The following SLC46A3 variants were observed in gnomAD, a reference collection of about 807,000 sequenced individuals.
SLC46A3 encodes solute carrier family 46 member 3, also known as lysosomal proton-coupled steroid conjugate and bile acid symporter SLC46A3.
SLC46A3 carries 26 observed loss-of-function variants against 38.5 expected under a neutral mutation model. The ratio of observed to expected loss-of-function variants is 0.68; its 90% CI spans 0.49 to 0.94. The LOEUF (loss-of-function observed/expected upper bound fraction) is 0.94. Ranked by LOEUF, SLC46A3 falls within the 40% of genes least tolerant of loss-of-function variation. SLC46A3 has a pLI of 0.00. For synonymous variants in SLC46A3, 185 were observed against 192.5 expected (o/e 0.96, Z 0.32); for missense variants, 510 against 544.3 (o/e 0.94, Z 0.63).
Position 28,700,878 on chromosome 13 carries a change from C to A in SLC46A3, c.*619G>T. On this transcript the variant is annotated 3_prime_UTR_variant, in exon 6 of 6. Coordinates refer to ENST00000266943, the MANE Select transcript of SLC46A3 (RefSeq NM_181785.4). ...TTTTAAGGATTTTGTATCAACAAAG[C>A]ACTGATTGTGGAATTCATGTATAGT... 1 of 1,203,192 alleles carries A rather than the reference C, an allele frequency of 8.3e-7. No individual in the cohort carries two copies. Among genetic ancestry groups the A allele is most frequent in the Non-Finnish European group, 1.2e-6 (1 of 847,318 alleles). 74.5% of individuals were successfully genotyped at this position (1,203,192 alleles called of 1,614,324 possible). A position where few individuals can be genotyped will look rare whatever the true frequency, so the allele number is the denominator to read the frequency against.
intron 5 of SLC46A3, 78 bp downstream of exon 5, chr13:28,703,865 A>T: frequency 7.4e-7 from 1 of 1,347,438 alleles, no homozygotes; most frequent in Non-Finnish European, 1.0e-6. Context: ...CAACAGACCT[A>T]TGTAATTTAC....
intron 2 of SLC46A3, among the ~76,000 whole-genome samples, chr13:28,714,139 TAC>T (rs1885451004): frequency 0.019 from 382 of 20,176 alleles, 1 homozygote; most frequent in African/African-American, 0.054. Context: ...TACCAAAAAA[TAC>T]AAAAAAAAAA....
Position 28,717,872 on chromosome 13 carries a change from AT to A in SLC46A3, c.126del (p.Ser43LeufsTer36), listed in dbSNP as rs1489169432. 1.2e-6 allele frequency: 2 copies of A among 1,614,104 alleles called. No individual in the cohort carries two copies. Among genetic ancestry groups the A allele is most frequent in the Admixed American group, 3.3e-5 (2 of 60,002 alleles). ...TCACACTCAGAAATATTGCTATCAGATGAAAAAGTGTAGTTGCCAGTTTCTT... is the reference window on the plus strand; with the variant it reads ...TCACACTCAGAAATATTGCTATCAGAGAAAAAGTGTAGTTGCCAGTTTCTT... ...IWEETGNYTF[S>X]SDSNISECEK... On this transcript the variant is annotated frameshift_variant, in exon 2 of 6. Coordinates refer to ENST00000266943, the MANE Select transcript of SLC46A3 (RefSeq NM_181785.4). LOFTEE classifies it high-confidence loss of function.
intron 5 of SLC46A3, among the ~76,000 whole-genome samples, chr13:28,703,279 C>CCTATCTG (rs1885080220): frequency 6.6e-6 from 1 of 152,270 alleles, no homozygotes; most frequent in Admixed American, 6.5e-5. Context: ...GTCAGCACAT[C>CCTATCTG]CTATCTGCTT....
intron 3 of SLC46A3, 69 bp downstream of exon 3, chr13:28,712,611 A>C: frequency 6.9e-7 from 1 of 1,439,360 alleles, no homozygotes; most frequent in East Asian, 2.4e-5. Flanking sequence ...TTTCTCCCCC[A>C]GTAGACTAAA....
At chr13:28,702,419 C>A (rs1254845655) in intron 5 of SLC46A3, among the ~76,000 whole-genome samples, 1 of 152,076 alleles carries the variant, frequency 6.6e-6, no homozygotes, top group Non-Finnish European at 1.5e-5. Context: ...CAATTTTTGA[C>A]AAAATTACTC....
chr13:28,712,894 G>A lies in SLC46A3; in HGVS notation c.846C>T (p.Ile282=), dbSNP rs757421819. 3.1e-6 allele frequency: 5 copies of A among 1,610,354 alleles called. No homozygotes were observed. The South Asian group carries it at 4.4e-5, about 14-fold the overall frequency. The part of the protein sequence containing the change: ...FVVIGIAPIF[I]LYELDSPLCW... Reference sequence around the variant, plus strand: ...AGAGTGGTGAATCCAATTCATAAAGGATAAAAATTGGGGCAATGCCAATTA... The same window carrying A: ...AGAGTGGTGAATCCAATTCATAAAGAATAAAAATTGGGGCAATGCCAATTA... The change falls in exon 3 of 6, where the codon ATC becomes ATT. Residue 282 remains isoleucine, a synonymous_variant. Transcript: ENST00000266943.
At chr13:28,710,612 T>C in intron 4 of SLC46A3, 148 bp downstream of exon 4, 1 of 677,590 alleles carries the variant, frequency 1.5e-6, no homozygotes, top group Non-Finnish European at 2.5e-6. Context: ...GTGTAAGCCT[T>C]TCCCTCACAG....
Position 28,700,989 on chromosome 13 carries a change from A to G in SLC46A3, c.*508T>C. The G allele has an allele frequency of 6.5e-7, 1 of 1,529,662 alleles. No individual in the cohort carries two copies. The highest frequency in any genetic ancestry group is 8.8e-7 in the Non-Finnish European group (1 of 1,134,812). 94.8% of individuals were successfully genotyped at this position (1,529,662 alleles called of 1,614,324 possible). Reference sequence around the variant, plus strand: ...ATAAAGCATTACCAAGTATAGGTAAAATCATACATATTTGAAACTTATATC... The same window carrying G: ...ATAAAGCATTACCAAGTATAGGTAAGATCATACATATTTGAAACTTATATC... On this transcript the variant is annotated 3_prime_UTR_variant, in exon 6 of 6. Coordinates refer to ENST00000266943, the MANE Select transcript of SLC46A3 (RefSeq NM_181785.4).
chr13:28,709,730 T>G (rs1289068588), intron 4 of SLC46A3, among the ~76,000 whole-genome samples: 1 of 152,224 alleles, frequency 6.6e-6, no homozygotes, highest in East Asian at 1.9e-4. Flanking sequence ...CCCGAGTTCC[T>G]GCTGCACTTG....
chr13:28,707,359 T>A (rs376873944), intron 4 of SLC46A3, among the ~76,000 whole-genome samples: 2 of 135,080 alleles, frequency 1.5e-5, no homozygotes, highest in Non-Finnish European at 3.1e-5. Flanking sequence ...ATGAGAACAC[T>A]TGGACACAGG....
At chr13:28,714,396 G>A (rs1450733104) in intron 2 of SLC46A3, among the ~76,000 whole-genome samples, 1 of 152,086 alleles carries the variant, frequency 6.6e-6, no homozygotes, top group Non-Finnish European at 1.5e-5. Flanking sequence ...CATCACTTGT[G>A]CCCAGGAATT....
In SLC46A3 at chr13:28,701,007, CTT is replaced by C. The variant is rs1269324986; in HGVS notation, c.*488_*489del. 2 of 1,525,108 alleles carry C rather than the reference CTT, an allele frequency of 1.3e-6. No individual in the cohort carries two copies. The highest frequency in any genetic ancestry group is 1.2e-5 in the South Asian group (1 of 81,052). 94.5% of individuals were successfully genotyped at this position (1,525,108 alleles called of 1,614,324 possible). ...TAGGTAAAATCATACATATTTGAAA[CTT>C]ATATCATTATTTTCCTACCAATGAG... On this transcript the variant is annotated 3_prime_UTR_variant, in exon 6 of 6. Coordinates refer to ENST00000266943, the MANE Select transcript of SLC46A3 (RefSeq NM_181785.4).
At chr13:28,703,726 T>C (rs1885095456) in intron 5 of SLC46A3, 1 of 348,036 alleles carries the variant, frequency 2.9e-6, no homozygotes. Flanking sequence ...CTTCATGAAT[T>C]TTCCTGTCAT....
rs1366281089 is a variant in SLC46A3 at position 28,717,487 on chromosome 13, T to A, written c.189+323A>T. Among the ~76,000 whole-genome samples, 38 of 20,144 alleles carry A rather than the reference T, an allele frequency of 1.9e-3. 5 individuals carry two copies. Among genetic ancestry groups the A allele is most frequent in the South Asian group, 0.012 (3 of 248 alleles). The allele number at this position is 20,144 out of a possible 152,430, so 13.2% of individuals were successfully genotyped here. On this transcript the variant is annotated intron_variant, in intron 2 of 5. Coordinates refer to ENST00000266943, the MANE Select transcript of SLC46A3 (RefSeq NM_181785.4). ...CCTGCCCTGCCCCAATTTTCAGACT[T>A]TTTTTTTTTTTTTTTTTTTTTTTAG... is the stretch of plus-strand genomic sequence containing the variant.
Position 28,708,002 on chromosome 13 carries a change from T to C in SLC46A3, c.1144+2758A>G, listed in dbSNP as rs1259678881. Among the ~76,000 whole-genome samples the C allele has an allele frequency of 2.0e-5, 3 of 152,374 alleles. No homozygotes were observed. In the East Asian group the frequency reaches 5.8e-4, roughly 29 times the overall value. ...TTCATAGTTCATCCATGTTATGGCATGTAACAGAACGATATTTCTTTTTAT... is the reference window on the plus strand; with the variant it reads ...TTCATAGTTCATCCATGTTATGGCACGTAACAGAACGATATTTCTTTTTAT... On this transcript the variant is annotated intron_variant, in intron 4 of 5. Coordinates refer to ENST00000266943, the MANE Select transcript of SLC46A3 (RefSeq NM_181785.4).
Position 28,712,676 on chromosome 13 carries a change from T to TCC in SLC46A3, c.1060+3_1060+4insGG, listed in dbSNP as rs920306989. The stretch of plus-strand genomic sequence containing the variant: ...TTAGTTCTAAAGCTACACTTGGAAC[T>TCC]CACCTAAAAACATCATCAGTGTTGT... On this transcript the variant is annotated splice_donor_region_variant and intron_variant, in intron 3 of 5. Transcript: ENST00000266943. 3.8e-6 allele frequency: 6 copies of TCC among 1,562,110 alleles called. No individual in the cohort carries two copies. In the African/African-American group the frequency reaches 8.3e-5, roughly 22 times the overall value.
intron 2 of SLC46A3, among the ~76,000 whole-genome samples, chr13:28,716,703 A>C (rs1237855246): frequency 6.6e-6 from 1 of 152,074 alleles, no homozygotes; most frequent in African/African-American, 2.4e-5. Context: ...TGAGGAAATG[A>C]GTAAGATTAG....
In SLC46A3 at chr13:28,700,938, A is replaced by G; in HGVS notation, c.*559T>C. ...TCACAGTATATAAGCTCCGACTATC[A>G]ATAGCAGCTTAACAGGCTCTATAAA... On this transcript the variant is annotated 3_prime_UTR_variant, in exon 6 of 6. Coordinates refer to ENST00000266943, the MANE Select transcript of SLC46A3 (RefSeq NM_181785.4). 3 of 1,506,600 alleles carry G rather than the reference A, an allele frequency of 2.0e-6. No homozygotes were observed. The highest frequency in any genetic ancestry group is 2.7e-6 in the Non-Finnish European group (3 of 1,107,068). 93.3% of individuals were successfully genotyped at this position (1,506,600 alleles called of 1,614,324 possible). A position where few individuals can be genotyped will look rare whatever the true frequency, so the allele number is the denominator to read the frequency against.
Sources: allele counts gnomAD v4.1 joint callset (sites outside exome capture counted in the v4.1 genomes callset), GRCh38; gene constraint gnomAD v4.1.1; transcripts MANE v1.5; gene names NCBI Gene and HGNC (gene_info 2026-07-23, HGNC 2026-07-21).